Variants in HS6ST3 observed in about 807,000 individuals in gnomAD.
HS6ST3 encodes the protein heparan sulfate 6-O-sulfotransferase 3, also known as heparan-sulfate 6-O-sulfotransferase 3.
HS6ST3 carries 12 observed loss-of-function variants against 36.7 expected under a neutral mutation model. The observed-to-expected ratio is 0.33, with a 90% CI of 0.21 to 0.53. The LOEUF (loss-of-function observed/expected upper bound fraction) is 0.53. Ranked by LOEUF, HS6ST3 falls within the 20% of genes least tolerant of loss-of-function variation. The pLI, the probability that HS6ST3 is intolerant of heterozygous loss-of-function variation, is 0.95. For missense variants in HS6ST3, 584 were observed against 640.9 expected, an observed-to-expected ratio of 0.91 and a Z score of 0.96; for synonymous variants, 240 against 257.5, an observed-to-expected ratio of 0.93 and a Z score of 0.65.
rs1878920679 is a variant in HS6ST3 at position 96,836,106 on chromosome 13, T to C, written c.*2908T>C. ...AGGGAAGTGATGCCCGCAGAAGGCG[T>C]CTGGGCCTAAGGATCCATGGAAGTC... On this transcript the variant is annotated 3_prime_UTR_variant, in exon 2 of 2. Coordinates refer to ENST00000376705, the MANE Select transcript of HS6ST3 (RefSeq NM_153456.4). 6.6e-6 allele frequency: 1 copy of C among 152,198 alleles called. No homozygotes were observed. Among genetic ancestry groups the C allele is most frequent in the Non-Finnish European group, 1.5e-5 (1 of 68,052 alleles). The allele number at this position is 152,198 out of a possible 1,614,324, so 9.4% of individuals were successfully genotyped here. A position where few individuals can be genotyped will look rare whatever the true frequency, so the allele number is the denominator to read the frequency against.
intron 1 of HS6ST3, among the ~76,000 whole-genome samples, chr13:96,251,301 A>G (rs1341499576): frequency 2.6e-5 from 4 of 152,042 alleles, no homozygotes; most frequent in Admixed American, 6.6e-5. Context: ...CTGCTTCTTC[A>G]TGGTTCAATC....
chr13:96,498,802 ATTTGGTTTG>A (rs1304305145), intron 1 of HS6ST3, among the ~76,000 whole-genome samples: 1 of 152,060 alleles, frequency 6.6e-6, no homozygotes, highest in Non-Finnish European at 1.5e-5. Flanking sequence ...CCCCGTTCTT[ATTTGGTTTG>A]TTTGGTTTGA....
intron 1 of HS6ST3, among the ~76,000 whole-genome samples, chr13:96,427,743 C>T (rs2055594347): frequency 6.6e-6 from 1 of 152,084 alleles, no homozygotes; most frequent in Non-Finnish European, 1.5e-5. Context: ...CATAAAGATC[C>T]TTTGTCTGTT....
At chr13:96,260,621 T>A (rs2054661176) in intron 1 of HS6ST3, among the ~76,000 whole-genome samples, 1 of 146,136 alleles carries the variant, frequency 6.8e-6, no homozygotes, top group South Asian at 2.1e-4. Flanking sequence ...CCCGGCCCTC[T>A]TTTCTTTTCT....
intron 1 of HS6ST3, among the ~76,000 whole-genome samples, chr13:96,411,321 G>C (rs1025963254): frequency 6.6e-6 from 1 of 152,134 alleles, no homozygotes; most frequent in Non-Finnish European, 1.5e-5. Context: ...AGAGGAGAGA[G>C]CATCAAAGCC....
In HS6ST3 at chr13:96,357,032, A is replaced by T. The variant is rs1349724057; in HGVS notation, c.707+265463A>T. Among the ~76,000 whole-genome samples the T allele has an allele frequency of 1.3e-5, 2 of 152,026 alleles. 1 individual carries two copies. The highest frequency in any genetic ancestry group is 1.3e-4 in the Admixed American group (2 of 15,268). On this transcript the variant is annotated intron_variant, in intron 1 of 1. Transcript: ENST00000376705. The stretch of plus-strand genomic sequence containing the variant: ...AAATGGCCTCTTTCCTTAAACATGA[A>T]CTCACCTCTGCTAGCTTCAGACTTT...
At chr13:96,800,388 C>G (rs1878038169) in intron 1 of HS6ST3, among the ~76,000 whole-genome samples, 1 of 151,512 alleles carries the variant, frequency 6.6e-6, no homozygotes, top group African/African-American at 2.4e-5. Flanking sequence ...CTATCCTGTC[C>G]CAAAGCATTT....
At chr13:96,297,407 A>G (rs944222405) in intron 1 of HS6ST3, among the ~76,000 whole-genome samples, 1 of 152,088 alleles carries the variant, frequency 6.6e-6, no homozygotes, top group African/African-American at 2.4e-5. Flanking sequence ...TGCTTCTCCT[A>G]TCAAAGTAAT....
At chr13:96,337,866 C>A (rs2055109779) in intron 1 of HS6ST3, among the ~76,000 whole-genome samples, 1 of 151,478 alleles carries the variant, frequency 6.6e-6, no homozygotes, top group Non-Finnish European at 1.5e-5. Flanking sequence ...ACTTTTTAAC[C>A]CAGTTTCTAG....
At chr13:96,286,951 C>T (rs988927750) in intron 1 of HS6ST3, among the ~76,000 whole-genome samples, 26 of 151,166 alleles carry the variant, frequency 1.7e-4, no homozygotes, top group East Asian at 9.7e-4. Context: ...AGTGTGTGTG[C>T]GTGTGTGTGT....
chr13:96,608,969 ATATT>A (rs957243152), intron 1 of HS6ST3, among the ~76,000 whole-genome samples: 3 of 151,682 alleles, frequency 2.0e-5, no homozygotes, highest in African/African-American at 7.2e-5. Flanking sequence ...TTATTTATTT[ATATT>A]TATTTATTTA....
chr13:96,563,632 C>T (rs553576567), intron 1 of HS6ST3, among the ~76,000 whole-genome samples: 6 of 152,204 alleles, frequency 3.9e-5, no homozygotes, highest in Non-Finnish European at 5.9e-5. Context: ...GCAGGCCTTA[C>T]TGGCAAAAGC....
chr13:96,206,716 T>G (rs2054372345), intron 1 of HS6ST3, among the ~76,000 whole-genome samples: 1 of 152,022 alleles, frequency 6.6e-6, no homozygotes, highest in South Asian at 2.1e-4. Context: ...GGAAAGGACT[T>G]TCTATTTAAT....
rs1491444389 is a variant in HS6ST3 at position 96,600,359 on chromosome 13, C to CACACAT, written c.708-232130_708-232129insCACATA. On this transcript the variant is annotated intron_variant, in intron 1 of 1. Coordinates refer to ENST00000376705, the MANE Select transcript of HS6ST3 (RefSeq NM_153456.4). Reference sequence around the variant, plus strand: ...ACACACACACACACACACACACACACATATATATATATATAGGATTGCTAT... The same window carrying CACACAT: ...ACACACACACACACACACACACACACACACATATATATATATATATAGGATTGCTAT... Among the ~76,000 whole-genome samples the CACACAT allele has an allele frequency of 1.3e-3, 161 of 120,290 alleles. 1 individual carries two copies. The highest frequency in any genetic ancestry group is 2.3e-3 in the Non-Finnish European group (125 of 53,912). The allele number at this position is 120,290 out of a possible 152,430, so 78.9% of individuals were successfully genotyped here.
chr13:96,163,352 C>T (rs1040289612), intron 1 of HS6ST3, among the ~76,000 whole-genome samples: 1 of 150,924 alleles, frequency 6.6e-6, no homozygotes, highest in African/African-American at 2.4e-5. Context: ...GCCTTAGCCT[C>T]CTGAGTATCT....
intron 1 of HS6ST3, among the ~76,000 whole-genome samples, chr13:96,240,107 A>T (rs117386052): frequency 0.023 from 3,447 of 152,296 alleles, 50 homozygotes; most frequent in Non-Finnish European, 0.037. Flanking sequence ...AATTTTAGTT[A>T]TGAATTAATA....
At chr13:96,555,619 G>A (rs532221300) in intron 1 of HS6ST3, among the ~76,000 whole-genome samples, 3 of 152,162 alleles carry the variant, frequency 2.0e-5, no homozygotes, top group African/African-American at 4.8e-5. Context: ...AGCAAACATG[G>A]TTTATATTAT....
intron 1 of HS6ST3, among the ~76,000 whole-genome samples, chr13:96,310,691 C>T (rs1419100594): frequency 7.1e-6 from 1 of 141,026 alleles, no homozygotes; most frequent in African/African-American, 2.6e-5. Context: ...CTCCCTATCT[C>T]CTTCCCTTCC....
intron 1 of HS6ST3, among the ~76,000 whole-genome samples, chr13:96,485,776 C>G (rs1021366083): frequency 6.6e-6 from 1 of 152,138 alleles, no homozygotes; most frequent in African/African-American, 2.4e-5. Context: ...ATCAGTTCTA[C>G]TGACATGACA....
Sources: allele counts gnomAD v4.1 joint callset (sites outside exome capture counted in the v4.1 genomes callset), GRCh38; gene constraint gnomAD v4.1.1; transcripts MANE v1.5; gene names NCBI Gene and HGNC (gene_info 2026-07-23, HGNC 2026-07-21).